The following LOXL4 variants were observed in gnomAD, a reference collection of about 807,000 sequenced individuals.
LOXL4 encodes lysyl oxidase homolog 4.
Under a neutral mutation model 89.1 loss-of-function variants are expected in LOXL4, and 72 were observed. The observed-to-expected ratio is 0.81, with a 90% CI of 0.67 to 0.98. The LOEUF is 0.98. LOXL4 is among the 50% of genes least tolerant of loss of function. The probability of loss-of-function intolerance (pLI) is 0.00; values close to 1 mark genes in which losing one functional copy is unlikely to be tolerated. For missense variants in LOXL4, 984 were observed against 1,017.5 expected, an observed-to-expected ratio of 0.97 and a Z score of 0.45; for synonymous variants, 355 against 392.1, an observed-to-expected ratio of 0.91 and a Z score of 1.12.
At chr10:98,261,245 C>A in intron 3 of LOXL4, 118 bp from the exon 4 acceptor site, 1 of 1,072,564 alleles carries the variant, frequency 9.3e-7, no homozygotes, top group Non-Finnish European at 1.4e-6. Flanking sequence ...TCCCACCCAG[C>A]CCGGTCATTG....
At chr10:98,267,101 A>G (rs1002552782) in intron 1 of LOXL4, among the ~76,000 whole-genome samples, 2 of 152,190 alleles carry the variant, frequency 1.3e-5, no homozygotes, top group African/African-American at 4.8e-5. Flanking sequence ...CATTTTACAG[A>G]TGAGAAGGTA....
intron 1 of LOXL4, among the ~76,000 whole-genome samples, chr10:98,265,750 C>T (rs1358987803): frequency 6.6e-6 from 1 of 152,190 alleles, no homozygotes; most frequent in Non-Finnish European, 1.5e-5. Context: ...AACCGTTGGT[C>T]TAGATTGGTC....
chr10:98,252,581 A>G, intron 11 of LOXL4, 113 bp from the exon 12 acceptor site: 2 of 696,890 alleles, frequency 2.9e-6, no homozygotes, highest in South Asian at 1.7e-5. Context: ...GGAAAGTTAT[A>G]GTAGGCAGTG....
chr10:98,258,495 T>C (rs1858447047), intron 6 of LOXL4, among the ~76,000 whole-genome samples: 1 of 151,946 alleles, frequency 6.6e-6, no homozygotes, highest in Non-Finnish European at 1.5e-5. Context: ...GCTATCTCAG[T>C]GTGGCACTAA....
rs1391021630 is a variant in LOXL4 at position 98,252,379 on chromosome 10, CAG to C, written c.1923_1924del (p.Phe641LeufsTer36). 1 of 1,614,064 alleles carries C rather than the reference CAG, an allele frequency of 6.2e-7. No individual in the cohort carries two copies. Among genetic ancestry groups the C allele is most frequent in the South Asian group, 1.1e-5 (1 of 91,068 alleles). The stretch of plus-strand genomic sequence containing the variant: ...TGTGGGGCAGTTTGTGTCCTCCAGA[CAG>C]AAGCTGGCCTTGTGCCCCTCAGCCA... On this transcript the variant is annotated frameshift_variant, in exon 12 of 15. Transcript: ENST00000260702. LOFTEE classifies it high-confidence loss of function.
At chr10:98,259,316 G>A in intron 5 of LOXL4, 75 bp downstream of exon 5, 4 of 1,579,802 alleles carry the variant, frequency 2.5e-6, no homozygotes, top group Middle Eastern at 2.2e-4. Flanking sequence ...GGAGGGAAGG[G>A]GAGGGTAGGG....
At chr10:98,260,146 C>T (rs886660245) in intron 4 of LOXL4, among the ~76,000 whole-genome samples, 14 of 152,200 alleles carry the variant, frequency 9.2e-5, no homozygotes, top group African/African-American at 3.1e-4. Flanking sequence ...TCAGTTGTGA[C>T]AGTTCCGCCT....
At chr10:98,262,327 T>A in intron 2 of LOXL4, 114 bp from the exon 3 acceptor site, 2 of 1,143,892 alleles carry the variant, frequency 1.7e-6, no homozygotes, top group Non-Finnish European at 2.5e-6. Flanking sequence ...TGGGAGAAAG[T>A]GGCAGGGAGG....
In LOXL4 at chr10:98,248,198, C is replaced by T. The variant is rs923378996; in HGVS notation, c.*723G>A. 2 of 152,228 alleles carry T rather than the reference C, an allele frequency of 1.3e-5. No individual in the cohort carries two copies. The highest frequency in any genetic ancestry group is 4.8e-5 in the African/African-American group (2 of 41,434). The allele number at this position is 152,228 out of a possible 1,614,324, so 9.4% of individuals were successfully genotyped here. ...CAGCAGTCTTTCTGCTTGGCCTACT[C>T]TTGCTGCTCTGTAGGAAGGCCCTAT... On this transcript the variant is annotated 3_prime_UTR_variant, in exon 15 of 15. Coordinates refer to ENST00000260702, the MANE Select transcript of LOXL4 (RefSeq NM_032211.7).
intron 1 of LOXL4, among the ~76,000 whole-genome samples, chr10:98,266,168 T>A (rs1442994996): frequency 6.6e-6 from 1 of 152,076 alleles, no homozygotes; most frequent in African/African-American, 2.4e-5. Context: ...ATGGGACAGA[T>A]CGGCCTCAGG....
At chr10:98,253,487 A>G in intron 11 of LOXL4, 66 bp downstream of exon 11, 1 of 1,605,292 alleles carries the variant, frequency 6.2e-7, no homozygotes. Context: ...GGAAGGGCCA[A>G]ACTGCTCCCT....
At chr10:98,265,892 C>T (rs987976754) in intron 1 of LOXL4, among the ~76,000 whole-genome samples, 1 of 152,172 alleles carries the variant, frequency 6.6e-6, no homozygotes, top group African/African-American at 2.4e-5. Flanking sequence ...AGCCTAGATG[C>T]TCCCCTCTCC....
intron 1 of LOXL4, among the ~76,000 whole-genome samples, chr10:98,266,735 T>C (rs1325498414): frequency 6.6e-6 from 1 of 151,850 alleles, no homozygotes; most frequent in Non-Finnish European, 1.5e-5. Flanking sequence ...AAGCCTTTGC[T>C]CTCACTGTTC....
At chr10:98,263,820 C>T (rs1476029576) in intron 1 of LOXL4, among the ~76,000 whole-genome samples, 1 of 151,650 alleles carries the variant, frequency 6.6e-6, no homozygotes, top group African/African-American at 2.4e-5. Flanking sequence ...CAACCTCCGC[C>T]TCCCAGGTTT....
In LOXL4 at chr10:98,262,750, T is replaced by C. The variant is rs1252585106; in HGVS notation, c.270A>G (p.Gln90=). Residue 90 remains glutamine, a synonymous_variant, in exon 2 of 15, where the codon CAA becomes CAG. Transcript: ENST00000260702. ...GTGGCACCAGTCACTCACCCTCCCC[T>C]TGGCCGTACTTGGCACTGTGGGCCC... The part of the protein sequence containing the change: ...LTWAHSAKYG[Q]GEGPIWLDNV... The C allele has an allele frequency of 1.2e-6, 2 of 1,612,002 alleles. No homozygotes were observed. The highest frequency in any genetic ancestry group is 1.7e-6 in the Non-Finnish European group (2 of 1,179,094).
intron 6 of LOXL4, 28 bp downstream of exon 6, chr10:98,258,981 G>A (rs1858460735): frequency 1.3e-6 from 2 of 1,495,914 alleles, no homozygotes; most frequent in African/African-American, 1.4e-5. Context: ...CCAAGCTGTG[G>A]TGTGAGTGCA....
Position 98,250,977 on chromosome 10 carries a change from C to T in LOXL4, c.2200+88G>A, listed in dbSNP as rs183273492. On this transcript the variant is annotated intron_variant, in intron 14 of 14. Transcript: ENST00000260702. ...GCACACCACACACATACAAGTCACA[C>T]GCTGGAGTGTGGGAGCAGAGGGTAC... 553 of 912,114 alleles carry T rather than the reference C, an allele frequency of 6.1e-4. 6 individuals are homozygous for T. In the Admixed American group the frequency reaches 9.8e-3, roughly 16 times the overall value. 56.5% of individuals were successfully genotyped at this position (912,114 alleles called of 1,614,324 possible).
At chr10:98,250,869 G>A (rs550233717) in intron 14 of LOXL4, among the ~76,000 whole-genome samples, 196 bp downstream of exon 14, 1 of 152,360 alleles carries the variant, frequency 6.6e-6, no homozygotes, top group South Asian at 2.1e-4. Context: ...GTTATTGGGT[G>A]AAGCCGATGG....
intron 1 of LOXL4, 141 bp from the exon 2 acceptor site, chr10:98,263,192 A>G (rs1858598025): frequency 3.2e-6 from 2 of 617,660 alleles, no homozygotes; most frequent in South Asian, 4.4e-5. Context: ...ACACACACAC[A>G]CAGTGGCATT....
Sources: allele counts gnomAD v4.1 joint callset (sites outside exome capture counted in the v4.1 genomes callset), GRCh38; gene constraint gnomAD v4.1.1; transcripts MANE v1.5; gene names NCBI Gene and HGNC (gene_info 2026-07-23, HGNC 2026-07-21).